CHN2: variants seen among roughly 807,000 people sequenced by gnomAD.
The protein encoded by CHN2 is beta-chimaerin.
CHN2 carries 35 observed loss-of-function variants against 56.3 expected under a neutral mutation model. That is an observed-to-expected ratio of 0.62 (90% CI 0.47 to 0.82). The LOEUF (loss-of-function observed/expected upper bound fraction) is 0.82, where lower values mean the gene tolerates loss of function less well. CHN2 is among the 40% of genes least tolerant of loss of function. CHN2 has a pLI of 0.00. For missense variants in CHN2, 491 were observed against 580.5 expected (o/e 0.85, Z 1.58); for synonymous variants, 210 against 212.8 (o/e 0.99, Z 0.12).
intron 7 of CHN2, among the ~76,000 whole-genome samples, chr7:29,485,747 G>A (rs1307853636): frequency 6.6e-6 from 1 of 152,146 alleles, no homozygotes; most frequent in Non-Finnish European, 1.5e-5. Context: ...ATCAGTTGGG[G>A]TGGGCCAGAT....
In CHN2 at chr7:29,348,195, G is replaced by A. The variant is rs567459241; in HGVS notation, c.50-6430G>A. Among the ~76,000 whole-genome samples the A allele has an allele frequency of 1.3e-4, 20 of 152,280 alleles. No homozygotes were observed. The South Asian group carries it at 4.1e-3, about 32-fold the overall frequency. ...TCCCTATTGCCCCGATTGTTCCCTA[G>A]TCTTTCTCAGACATGGAGGAGCTTT... On this transcript the variant is annotated intron_variant, in intron 1 of 12. Transcript: ENST00000222792.
intron 6 of CHN2, among the ~76,000 whole-genome samples, chr7:29,448,638 C>T (rs567230729): frequency 6.6e-6 from 1 of 152,302 alleles, no homozygotes; most frequent in African/African-American, 2.4e-5. Flanking sequence ...TGTAATAGAT[C>T]ACCCTGTAAC....
intron 1 of CHN2, among the ~76,000 whole-genome samples, chr7:29,288,323 T>C (rs139915267): frequency 1.8e-4 from 27 of 152,320 alleles, no homozygotes; most frequent in African/African-American, 6.0e-4. Flanking sequence ...TTTTGAAGTG[T>C]GTAAGAGCTT....
At chr7:29,208,911 G>C (rs964587036) in intron 1 of CHN2, 3 of 152,166 alleles carry the variant, frequency 2.0e-5, no homozygotes, top group African/African-American at 7.2e-5. Context: ...TCTTTACAGG[G>C]TCAAGATGAC....
At chr7:29,329,087 T>G (rs563652770) in intron 1 of CHN2, among the ~76,000 whole-genome samples, 11 of 152,236 alleles carry the variant, frequency 7.2e-5, no homozygotes, top group African/African-American at 2.6e-4. Context: ...CATTGCAGAC[T>G]GAAAAATGTT....
At chr7:29,442,763 G>A (rs1252656980) in intron 6 of CHN2, among the ~76,000 whole-genome samples, 1 of 151,846 alleles carries the variant, frequency 6.6e-6, no homozygotes, top group East Asian at 1.9e-4. Flanking sequence ...CCTAACTACC[G>A]CTAAAGTAAA....
chr7:29,147,463 A>G (rs1792910568), intron 2 of CHN2, among the ~76,000 whole-genome samples: 1 of 152,206 alleles, frequency 6.6e-6, no homozygotes, highest in South Asian at 2.1e-4. Flanking sequence ...TTGTTATGCA[A>G]CTAAGGCTAA....
chr7:29,204,182 A>T (rs1784366935), intron 1 of CHN2, among the ~76,000 whole-genome samples: 1 of 152,018 alleles, frequency 6.6e-6, no homozygotes, highest in Non-Finnish European at 1.5e-5. Context: ...GTGGGTTTAC[A>T]TACACATCCA....
chr7:29,263,942 C>A (rs1311145741), intron 1 of CHN2, among the ~76,000 whole-genome samples: 1 of 147,310 alleles, frequency 6.8e-6, no homozygotes. Context: ...GGGCAGCCCC[C>A]GCCCGGCCAG....
intron 1 of CHN2, among the ~76,000 whole-genome samples, chr7:29,220,194 G>A (rs916629480): frequency 6.6e-6 from 1 of 151,154 alleles, no homozygotes; most frequent in Admixed American, 6.6e-5. Context: ...TGCTTGAACC[G>A]GGGAGGCAGA....
intron 6 of CHN2, among the ~76,000 whole-genome samples, chr7:29,407,988 GA>G (rs1336480990): frequency 6.6e-6 from 1 of 152,070 alleles, no homozygotes; most frequent in African/African-American, 2.4e-5. Context: ...AGGAGTTCAA[GA>G]CCAGCCTGGC....
intron 1 of CHN2, among the ~76,000 whole-genome samples, chr7:29,298,779 A>G (rs1359293011): frequency 2.0e-5 from 3 of 152,210 alleles, no homozygotes; most frequent in African/African-American, 7.2e-5. Context: ...ATGTAGGCAA[A>G]AACTTAAAAA....
intron 12 of CHN2, among the ~76,000 whole-genome samples, chr7:29,510,990 A>G (rs1351688999): frequency 1.3e-5 from 2 of 152,136 alleles, no homozygotes; most frequent in Non-Finnish European, 2.9e-5. Context: ...GAGGTCGATG[A>G]ATTGGTGTTA....
chr7:29,348,719 A>T (rs1480503190), intron 1 of CHN2, among the ~76,000 whole-genome samples: 5 of 152,032 alleles, frequency 3.3e-5, no homozygotes, highest in Non-Finnish European at 5.9e-5. Flanking sequence ...TTTTATATCT[A>T]CTTTATTTTT....
chr7:29,395,533 C>T (rs1389067242), intron 4 of CHN2, among the ~76,000 whole-genome samples: 1 of 152,010 alleles, frequency 6.6e-6, no homozygotes, highest in African/African-American at 2.4e-5. Flanking sequence ...TAAATTAATA[C>T]CAATTAACTT....
At chr7:29,342,219 G>C (rs1001778199) in intron 1 of CHN2, among the ~76,000 whole-genome samples, 1 of 152,188 alleles carries the variant, frequency 6.6e-6, no homozygotes, top group Non-Finnish European at 1.5e-5. Flanking sequence ...TGGATGGCTG[G>C]ATGGTTAGAT....
intron 1 of CHN2, among the ~76,000 whole-genome samples, chr7:29,209,871 A>C (rs1340459757): frequency 6.6e-6 from 1 of 152,218 alleles, no homozygotes; most frequent in Non-Finnish European, 1.5e-5. Flanking sequence ...AAAAGGGAAC[A>C]GGCAGAGGGT....
At chr7:29,302,687 C>T (rs905117914) in intron 1 of CHN2, among the ~76,000 whole-genome samples, 1 of 151,958 alleles carries the variant, frequency 6.6e-6, no homozygotes, top group African/African-American at 2.4e-5. Flanking sequence ...ATGTGGCCAT[C>T]ACCACCATCC....
intron 1 of CHN2, among the ~76,000 whole-genome samples, chr7:29,309,694 G>A (rs568314245): frequency 1.3e-5 from 2 of 152,302 alleles, no homozygotes. Context: ...GTTGATTCAC[G>A]AAGATCAAGG....
Sources: allele counts gnomAD v4.1 joint callset (sites outside exome capture counted in the v4.1 genomes callset), GRCh38; gene constraint gnomAD v4.1.1; transcripts MANE v1.5; gene names NCBI Gene and HGNC (gene_info 2026-07-23, HGNC 2026-07-21).